Variants in C3orf52 observed in about 807,000 individuals in gnomAD.
C3orf52 encodes the protein chromosome 3 open reading frame 52.
A neutral mutation model predicts 24.8 loss-of-function variants in C3orf52; 22 were observed. The observed-to-expected ratio is 0.89, with a 90% CI of 0.63 to 1.27. The LOEUF (loss-of-function observed/expected upper bound fraction) is 1.27, where lower values mean the gene tolerates loss of function less well. C3orf52 is among the 50% of genes most tolerant of loss of function. C3orf52 has a pLI of 0.00. For missense variants in C3orf52, 265 were observed against 260.7 expected, an observed-to-expected ratio of 1.02 and a Z score of -0.11; for synonymous variants, 93 against 100.2, an observed-to-expected ratio of 0.93 and a Z score of 0.43.
At chr3:112,115,275 G>T (rs1251094474) in intron 5 of C3orf52, among the ~76,000 whole-genome samples, 1 of 152,172 alleles carries the variant, frequency 6.6e-6, no homozygotes. Flanking sequence ...GAAGAAGAGG[G>T]ACTCATCGCA....
At position 112,123,728 on chromosome 3, in the gene C3orf52, G is replaced by A. The variant is rs1428705416; in HGVS notation, c.*46+4166G>A. ...TTGTACAGAGAACCCGATGATTGAT[G>A]AGGGTATAGCACAGCTCCTCTGAGT... On this transcript the variant is annotated intron_variant, in intron 4 of 4. Transcript: ENST00000480282. 3.1e-6 allele frequency: 5 copies of A among 1,613,900 alleles called. No individual in the cohort carries two copies. In the Admixed American group the frequency reaches 5.0e-5, roughly 16 times the overall value.
chr3:112,132,633 T>C (rs1182590353), downstream of C3orf52: 1 of 986,750 alleles, frequency 1.0e-6, no homozygotes, highest in Admixed American at 6.1e-5. Context: ...TGACCTCTGC[T>C]TACCTGCTTG....
rs554526687 is a variant in C3orf52, at chr3:112,086,709, A to C, written c.138+164A>C. Among the ~76,000 whole-genome samples the C allele has an allele frequency of 5.0e-3, 757 of 151,882 alleles. 4 individuals are homozygous for C. Among genetic ancestry groups the C allele is most frequent in the Non-Finnish European group, 5.8e-3 (394 of 67,926 alleles). On this transcript the variant is annotated intron_variant, in intron 1 of 5. Transcript: ENST00000264848. The stretch of plus-strand genomic sequence containing the variant: ...CTCTGAATGGAGCCGAGTCACCGCG[A>C]CACCTTTCGGCCCGAGCAGTCCCCT...
At chr3:112,103,475 C>G (rs1275138970) in intron 3 of C3orf52, among the ~76,000 whole-genome samples, 3 of 152,202 alleles carry the variant, frequency 2.0e-5, no homozygotes, top group South Asian at 2.1e-4. Flanking sequence ...GTTCTTTTTA[C>G]TCCCTTAGGT....
At chr3:112,130,687 T>C, downstream of C3orf52, 1 of 635,378 alleles carries the variant, frequency 1.6e-6, no homozygotes, top group Non-Finnish European at 2.9e-6. Context: ...CAAGCTACCT[T>C]TGATCTGACA....
intron 1 of C3orf52, among the ~76,000 whole-genome samples, chr3:112,089,494 A>C (rs2073859054): frequency 6.9e-6 from 1 of 145,378 alleles, no homozygotes; most frequent in South Asian, 2.2e-4. Flanking sequence ...ACGCCACTGC[A>C]CTCCAGCCTG....
At chr3:112,126,230 C>T (rs1477752390) in intron 4 of C3orf52, among the ~76,000 whole-genome samples, 2 of 152,176 alleles carry the variant, frequency 1.3e-5, no homozygotes, top group Non-Finnish European at 2.9e-5. Context: ...CTGTATTATT[C>T]ATTTACACAT....
Position 112,113,020 on chromosome 3 carries a change from A to C in C3orf52, c.524A>C (p.Glu175Ala). The C allele has an allele frequency of 6.2e-7, 1 of 1,608,888 alleles. No homozygotes were observed. Among genetic ancestry groups the C allele is most frequent in the Non-Finnish European group, 8.5e-7 (1 of 1,177,538 alleles). Residue 175 changes from glutamate (E) to alanine (A), a missense_variant, in exon 5 of 6, where the codon GAA (glutamate) becomes GCA (alanine). Glu to Ala is a moderately radical substitution (Grantham distance 107). Coordinates refer to ENST00000264848, the MANE Select transcript of C3orf52 (RefSeq NM_024616.3). Reference protein sequence around the residue: ...DLQFGVPSDDENFMKYMMSEE... With the variant: ...DLQFGVPSDDANFMKYMMSEE... ...CAATTTGGGGTTCCATCAGATGATG[A>C]AAATTTTATGAAGTATATGATGAGT...
chr3:112,124,780 G>A lies in C3orf52; in HGVS notation c.*47-3453G>A, dbSNP rs188410656. On this transcript the variant is annotated intron_variant, in intron 4 of 4. Coordinates refer to the C3orf52 transcript ENST00000480282. ...ATAAAAAGCAAAGCAGCAAAGTACA[G>A]GGGGAAAAGCATGGATTGTGAAGTG... 8.3e-3 allele frequency among the ~76,000 whole-genome samples: 1,269 copies of A among 152,220 alleles called. 12 individuals carry two copies. Among genetic ancestry groups the A allele is most frequent in the Non-Finnish European group, 9.6e-3 (653 of 68,018 alleles).
At chr3:112,114,211 T>C (rs746314713) in intron 5 of C3orf52, among the ~76,000 whole-genome samples, 21 of 152,084 alleles carry the variant, frequency 1.4e-4, no homozygotes, top group Non-Finnish European at 2.4e-4. Context: ...GCAAGAGTAA[T>C]GTTGGCCTAA....
chr3:112,134,526 G>T (rs896068938), downstream of C3orf52: 3 of 152,096 alleles, frequency 2.0e-5, no homozygotes, highest in Non-Finnish European at 4.4e-5. Flanking sequence ...CACCCCTGTC[G>T]CAAGTCCCGA....
intron 2 of C3orf52, 111 bp downstream of exon 2, chr3:112,093,600 G>A: frequency 9.3e-7 from 1 of 1,071,892 alleles, no homozygotes; most frequent in Non-Finnish European, 1.3e-6. Context: ...TTTATAATGT[G>A]AATTTAAGAC....
At chr3:112,130,054 T>A (rs1323750155), downstream of C3orf52, 1 of 178,042 alleles carries the variant, frequency 5.6e-6, no homozygotes, top group Non-Finnish European at 1.2e-5. Context: ...AAAATTGTCG[T>A]AACATGGGGC....
rs1456781937 is a variant in C3orf52, at chr3:112,117,992, T to C, written c.*1346T>C. 6 of 152,246 alleles carry C rather than the reference T, an allele frequency of 3.9e-5. No homozygotes were observed. The highest frequency in any genetic ancestry group is 8.8e-5 in the Non-Finnish European group (6 of 68,046). The allele number at this position is 152,246 out of a possible 1,614,324, so 9.4% of individuals were successfully genotyped here. ...CCCAGGACTCTGGATAATGTGAATTTGCTTTCCTATTTAACTAGAAGATAC... is the reference window on the plus strand; with the variant it reads ...CCCAGGACTCTGGATAATGTGAATTCGCTTTCCTATTTAACTAGAAGATAC... On this transcript the variant is annotated 3_prime_UTR_variant, in exon 6 of 6. Transcript: ENST00000264848.
chr3:112,126,657 C>T (rs562512784), intron 4 of C3orf52, among the ~76,000 whole-genome samples: 4 of 152,332 alleles, frequency 2.6e-5, no homozygotes, highest in African/African-American at 7.2e-5. Context: ...GGCCAGGAGG[C>T]CCCACCCCTC....
intron 3 of C3orf52, among the ~76,000 whole-genome samples, chr3:112,104,042 G>T (rs2074002669): frequency 6.6e-6 from 1 of 152,188 alleles, no homozygotes; most frequent in Non-Finnish European, 1.5e-5. Flanking sequence ...AAATGAGGGA[G>T]ACTTGAACTA....
intron 4 of C3orf52, among the ~76,000 whole-genome samples, chr3:112,126,815 AATGAGCTCACC>A (rs2074331824): frequency 6.6e-6 from 1 of 152,242 alleles, no homozygotes; most frequent in South Asian, 2.1e-4. Flanking sequence ...TTCCTGCTTC[AATGAGCTCACC>A]ATCTACTGAG....
intron 4 of C3orf52, among the ~76,000 whole-genome samples, chr3:112,125,566 T>C (rs2074298317): frequency 6.6e-6 from 1 of 152,224 alleles, no homozygotes; most frequent in Admixed American, 6.5e-5. Context: ...TTACACAAAA[T>C]TGATTTGTGT....
At chr3:112,095,046 G>A (rs2073913711) in intron 2 of C3orf52, among the ~76,000 whole-genome samples, 2 of 152,134 alleles carry the variant, frequency 1.3e-5, no homozygotes, top group Admixed American at 1.3e-4. Context: ...TTAGAGTTTT[G>A]TAATTCCTGA....
Sources: allele counts gnomAD v4.1 joint callset (sites outside exome capture counted in the v4.1 genomes callset), GRCh38; gene constraint gnomAD v4.1.1; transcripts MANE v1.5; gene names NCBI Gene and HGNC (gene_info 2026-07-23, HGNC 2026-07-21).